The following NYAP2 variants were observed in gnomAD, a reference collection of about 807,000 sequenced individuals.
NYAP2 encodes the protein neuronal tyrosine-phosphorylated phosphoinositide-3-kinase adapter 2.
NYAP2 carries 23 observed loss-of-function variants against 50.4 expected under a neutral mutation model. That is an observed-to-expected ratio of 0.46 (90% confidence interval 0.33 to 0.65). The LOEUF is 0.65. Ranked by LOEUF, NYAP2 falls within the 30% of genes least tolerant of loss-of-function variation. The pLI is 0.02. For missense variants in NYAP2, 885 were observed against 861.0 expected, an observed-to-expected ratio of 1.03 and a Z score of -0.35; for synonymous variants, 394 against 365.2, an observed-to-expected ratio of 1.08 and a Z score of -0.90.
chr2:225,621,039 G>A lies in NYAP2; in HGVS notation c.1619-5878G>A, dbSNP rs867210704. Among the ~76,000 whole-genome samples the A allele has an allele frequency of 2.8e-4, 43 of 151,506 alleles. 1 individual carries two copies. The highest frequency in any genetic ancestry group is 6.8e-3 in the Middle Eastern group (2 of 294). On this transcript the variant is annotated intron_variant, in intron 5 of 6. Transcript: ENST00000636099. ...TGAGGCAGGAGAATGGCATGAACCC[G>A]GGAGGCGGAGCTTGCGGTGAGCTGA...
chr2:225,417,223 A>G (rs574207617), intron 3 of NYAP2, among the ~76,000 whole-genome samples: 5 of 152,310 alleles, frequency 3.3e-5, no homozygotes, highest in Non-Finnish European at 7.4e-5. Context: ...GTGTAATGTA[A>G]CAAATGAAAC....
chr2:225,515,159 C>T (rs1410632093), intron 4 of NYAP2, among the ~76,000 whole-genome samples: 3 of 152,220 alleles, frequency 2.0e-5, no homozygotes, highest in Non-Finnish European at 4.4e-5. Context: ...TACAAAAAAA[C>T]TCCTGTGGCT....
rs760762879 is a variant in NYAP2, at chr2:225,543,007, T to C, written c.523+29335T>C. ...GTTCAATCTTGGTAGGTTGTATGTG[T>C]CTAGGAATTTATTCACTTCTAGATT... On this transcript the variant is annotated intron_variant, in intron 4 of 6. Transcript: ENST00000636099. Among the ~76,000 whole-genome samples the C allele has an allele frequency of 1.1e-3, 162 of 152,188 alleles. 1 individual carries two copies. Among genetic ancestry groups the C allele is most frequent in the Non-Finnish European group, 2.9e-4 (20 of 67,916 alleles).
At chr2:225,655,636 C>T (rs1387973917), downstream of NYAP2, among the ~76,000 whole-genome samples, 2 of 152,142 alleles carry the variant, frequency 1.3e-5, no homozygotes, top group African/African-American at 4.8e-5. Flanking sequence ...TGTGATTCCT[C>T]CATCTCTGGC....
chr2:225,518,524 ATAT>A (rs2106189042), intron 4 of NYAP2, among the ~76,000 whole-genome samples: 1 of 5,434 alleles, frequency 1.8e-4, no homozygotes, highest in South Asian at 8.2e-3. Context: ...GTGAGCTAAT[ATAT>A]ATATATATAT....
the NYAP2 span, among the ~76,000 whole-genome samples, chr2:225,677,358 G>A: frequency 6.6e-6 from 1 of 152,104 alleles, no homozygotes; most frequent in African/African-American, 2.4e-5. Context: ...CTTTGGCAAA[G>A]AGAGAATAGT....
intron 3 of NYAP2, among the ~76,000 whole-genome samples, chr2:225,464,511 A>C (rs1689884588): frequency 6.6e-6 from 1 of 152,194 alleles, no homozygotes; most frequent in African/African-American, 2.4e-5. Context: ...TTCCAATGCT[A>C]GGTCAGTAGG....
intron 5 of NYAP2, among the ~76,000 whole-genome samples, chr2:225,613,041 G>T (rs1009277476): frequency 1.1e-4 from 16 of 152,164 alleles, no homozygotes; most frequent in African/African-American, 3.9e-4. Flanking sequence ...TTGAACATAT[G>T]AAAGGGAATT....
chr2:225,636,976 G>T, intron 6 of NYAP2, among the ~76,000 whole-genome samples: 1 of 152,166 alleles, frequency 6.6e-6, no homozygotes, highest in East Asian at 1.9e-4. Flanking sequence ...GACTAAATGA[G>T]TGTCATTTTA....
At chr2:225,482,457 A>G (rs372766001) in intron 3 of NYAP2, among the ~76,000 whole-genome samples, 86 of 152,246 alleles carry the variant, frequency 5.6e-4, no homozygotes, top group African/African-American at 1.7e-3. Context: ...AATATATTCA[A>G]TATTTCTTTT....
rs1353260814 is a variant in NYAP2, at chr2:225,582,377, C to T, written c.960C>T (p.Cys320=). Residue 320 remains cysteine, a synonymous_variant, in exon 5 of 7, where the codon TGC becomes TGT. Transcript: ENST00000636099. The surrounding 1 kb of genome is among the most constrained non-coding windows in gnomAD (Gnocchi z 7.0). ...CATGCCCCCCCAAGGGGCTGCTTTG[C>T]GACATCCCTCCGCCCTTCCCCAACC... 8 of 1,611,072 alleles carry T rather than the reference C, an allele frequency of 5.0e-6. No homozygotes were observed. Among genetic ancestry groups the T allele is most frequent in the African/African-American group, 1.3e-5 (1 of 74,894 alleles).
chr2:225,578,457 T>C (rs1298630271), intron 4 of NYAP2, among the ~76,000 whole-genome samples: 1 of 152,062 alleles, frequency 6.6e-6, no homozygotes, highest in Non-Finnish European at 1.5e-5. Flanking sequence ...AGGGAGTAAG[T>C]GTATCAAAAC....
chr2:225,518,449 T>C (rs1007444212), intron 4 of NYAP2, among the ~76,000 whole-genome samples: 2 of 144,558 alleles, frequency 1.4e-5, no homozygotes, highest in Non-Finnish European at 3.0e-5. Flanking sequence ...CTATACTTAA[T>C]AACAACATAT....
At chr2:225,601,149 A>C (rs1320501831) in intron 5 of NYAP2, among the ~76,000 whole-genome samples, 1 of 131,564 alleles carries the variant, frequency 7.6e-6, no homozygotes, top group African/African-American at 2.9e-5. Flanking sequence ...TTTGAGATGG[A>C]GTCTTGCTGT....
At chr2:225,594,847 C>T (rs1692569573) in intron 5 of NYAP2, among the ~76,000 whole-genome samples, 1 of 152,142 alleles carries the variant, frequency 6.6e-6, no homozygotes, top group Non-Finnish European at 1.5e-5. Flanking sequence ...AAAAGTTCCA[C>T]TCCTAGCAGA....
At chr2:225,595,698 A>C (rs566679765) in intron 5 of NYAP2, among the ~76,000 whole-genome samples, 1 of 152,318 alleles carries the variant, frequency 6.6e-6, no homozygotes, top group South Asian at 2.1e-4. Context: ...ATCTGAACCA[A>C]GCTGTGTGTA....
chr2:225,418,098 C>G (rs1296205058), intron 3 of NYAP2, among the ~76,000 whole-genome samples: 1 of 152,050 alleles, frequency 6.6e-6, no homozygotes, highest in African/African-American at 2.4e-5. Context: ...GAGGATGTGA[C>G]ATTTGAGTAA....
intron 3 of NYAP2, among the ~76,000 whole-genome samples, chr2:225,426,998 A>G (rs1313340871): frequency 1.3e-5 from 2 of 152,212 alleles, no homozygotes; most frequent in Non-Finnish European, 2.9e-5. Context: ...GAAAAATAAG[A>G]CTAGTTCCAA....
intron 3 of NYAP2, among the ~76,000 whole-genome samples, chr2:225,468,906 A>G (rs1202179404): frequency 6.6e-6 from 1 of 152,196 alleles, no homozygotes; most frequent in African/African-American, 2.4e-5. Context: ...TGCCATTAAG[A>G]ATTTCTCTGC....
Sources: allele counts gnomAD v4.1 joint callset (sites outside exome capture counted in the v4.1 genomes callset), GRCh38; gene constraint gnomAD v4.1.1; non-coding constraint Gnocchi (gnomAD v3.1); transcripts MANE v1.5; gene names NCBI Gene and HGNC (gene_info 2026-07-23, HGNC 2026-07-21).